The following PREX2 variants were observed in gnomAD, a reference collection of about 807,000 sequenced individuals.
The protein encoded by PREX2 is phosphatidylinositol 3,4,5-trisphosphate-dependent Rac exchanger 2 protein.
A neutral mutation model predicts 203.2 loss-of-function variants in PREX2; 107 were observed. The ratio of observed to expected loss-of-function variants is 0.53; its 90% confidence interval spans 0.45 to 0.62. PREX2 has a LOEUF of 0.62. PREX2 is among the 20% of genes least tolerant of loss of function. The pLI is 0.00. For missense variants in PREX2, 1,777 were observed against 1,955.9 expected (o/e 0.91, Z 1.72); for synonymous variants, 672 against 663.6 (o/e 1.01, Z -0.19).
intron 35 of PREX2, among the ~76,000 whole-genome samples, chr8:68,172,406 C>T (rs1173215296): frequency 6.6e-6 from 1 of 152,322 alleles, no homozygotes; most frequent in East Asian, 1.9e-4. Flanking sequence ...GACAGCACCT[C>T]GTGCCCGAGA....
intron 35 of PREX2, among the ~76,000 whole-genome samples, chr8:68,185,276 GATA>G (rs879639807): frequency 0.012 from 1,850 of 152,154 alleles, 29 homozygotes; most frequent in African/African-American, 0.041. Flanking sequence ...TCTTTGGTTT[GATA>G]TTTAATTTCC....
intron 7 of PREX2, among the ~76,000 whole-genome samples, chr8:68,040,082 G>A (rs1369324423): frequency 6.6e-6 from 1 of 152,108 alleles, no homozygotes; most frequent in Non-Finnish European, 1.5e-5. Context: ...AGGATAGAGT[G>A]CAATGGTATG....
Position 68,038,243 on chromosome 8 carries a change from G to C in PREX2, c.790G>C (p.Val264Leu). The change falls in exon 7 of 40, where the codon GTG (valine) becomes CTG (leucine). Residue 264 changes from valine (V) to leucine (L), a missense_variant. By Grantham distance (32) the Val-to-Leu change is conservative (BLOSUM62 1). Coordinates refer to ENST00000288368, the MANE Select transcript of PREX2 (RefSeq NM_024870.4). ...KISSGNIQERVFFLFDNLLVY... is the reference protein window; with the variant it reads ...KISSGNIQERLFFLFDNLLVY... Reference sequence around the variant, plus strand: ...TTCTTCTGGAAATATTCAAGAACGGGTGTTTTTTCTTTTCGATAATCTTTT... The same window carrying C: ...TTCTTCTGGAAATATTCAAGAACGGCTGTTTTTTCTTTTCGATAATCTTTT... 6.2e-7 allele frequency: 1 copy of C among 1,613,782 alleles called. No homozygotes were observed. The highest frequency in any genetic ancestry group is 8.5e-7 in the Non-Finnish European group (1 of 1,179,824).
chr8:67,995,052 A>C (rs1806724800), intron 1 of PREX2, among the ~76,000 whole-genome samples: 2 of 151,972 alleles, frequency 1.3e-5, no homozygotes, highest in Non-Finnish European at 2.9e-5. Flanking sequence ...TCTCTTCCAC[A>C]GTATTGTTCT....
intron 35 of PREX2, among the ~76,000 whole-genome samples, chr8:68,191,369 G>A (rs1352629800): frequency 1.3e-5 from 2 of 152,094 alleles, no homozygotes; most frequent in Non-Finnish European, 2.9e-5. Context: ...ATATTAATAA[G>A]CACTTATTCT....
chr8:68,104,924 A>G (rs374242439), intron 23 of PREX2, among the ~76,000 whole-genome samples: 20 of 152,210 alleles, frequency 1.3e-4, no homozygotes, highest in African/African-American at 4.6e-4. Flanking sequence ...GCATTTCTTT[A>G]TTGCAAAATT....
At chr8:68,001,425 A>G (rs1175704524) in intron 1 of PREX2, among the ~76,000 whole-genome samples, 1 of 152,214 alleles carries the variant, frequency 6.6e-6, no homozygotes, top group Admixed American at 6.5e-5. Flanking sequence ...AATAGCTCTT[A>G]TTAAAATGTC....
chr8:68,232,450 T>G lies in PREX2; in HGVS notation c.*1072T>G, dbSNP rs2129615690. The G allele has an allele frequency of 6.6e-6, 1 of 152,310 alleles. No homozygotes were observed. Among genetic ancestry groups the G allele is most frequent in the African/African-American group, 2.4e-5 (1 of 41,572 alleles). The allele number at this position is 152,310 out of a possible 1,614,324, so 9.4% of individuals were successfully genotyped here. ...CTAAAGTATATGTAATGTTTATCAT[T>G]TCTACATTGATGCAATAACATTGTT... On this transcript the variant is annotated 3_prime_UTR_variant, in exon 40 of 40. Transcript: ENST00000288368.
At chr8:68,215,999 A>G (rs540558411) in intron 37 of PREX2, among the ~76,000 whole-genome samples, 3 of 152,340 alleles carry the variant, frequency 2.0e-5, no homozygotes, top group African/African-American at 4.8e-5. Flanking sequence ...CTTAATGATG[A>G]AACTTGAACA....
chr8:68,219,644 T>G (rs1585872543), intron 38 of PREX2, among the ~76,000 whole-genome samples: 1 of 152,152 alleles, frequency 6.6e-6, no homozygotes, highest in Admixed American at 6.5e-5. Context: ...AGAAATAAGG[T>G]TTAACTTCTT....
At position 68,116,235 on chromosome 8, in the gene PREX2, T is replaced by C. The variant is rs149043343; in HGVS notation, c.3326+303T>C. 9.8e-3 allele frequency among the ~76,000 whole-genome samples: 1,488 copies of C among 152,330 alleles called. 16 individuals carry two copies. The highest frequency in any genetic ancestry group is 0.048 in the South Asian group (231 of 4,820). On this transcript the variant is annotated intron_variant, in intron 26 of 39. Coordinates refer to ENST00000288368, the MANE Select transcript of PREX2 (RefSeq NM_024870.4). The stretch of plus-strand genomic sequence containing the variant: ...AGATAGCTGGTAAGAAAATTGTGCC[T>C]ATACAGGATTAACATTGTTTTCAAC...
intron 35 of PREX2, among the ~76,000 whole-genome samples, chr8:68,161,110 G>A (rs548054720): frequency 2.7e-5 from 4 of 150,706 alleles, no homozygotes; most frequent in Admixed American, 6.6e-5. Context: ...TTTTTTTGGG[G>A]GGGGGACAGA....
chr8:68,179,105 A>T (rs1389536887), intron 35 of PREX2, among the ~76,000 whole-genome samples: 3 of 152,204 alleles, frequency 2.0e-5, no homozygotes, highest in Non-Finnish European at 4.4e-5. Flanking sequence ...GTGCAACCGC[A>T]TGTGACTTGT....
Position 68,048,451 on chromosome 8 carries a change from C to T in PREX2, c.943+3861C>T, listed in dbSNP as rs1265574267. 2.6e-5 allele frequency among the ~76,000 whole-genome samples: 4 copies of T among 151,988 alleles called. No individual in the cohort carries two copies. In the East Asian group the frequency reaches 5.8e-4, roughly 22 times the overall value. Reference sequence around the variant, plus strand: ...GGCATACCATAGATTTCAATATATTCGTCAAATTCGAACTGGATAAGATGA... The same window carrying T: ...GGCATACCATAGATTTCAATATATTTGTCAAATTCGAACTGGATAAGATGA... On this transcript the variant is annotated intron_variant, in intron 8 of 39. Coordinates refer to ENST00000288368, the MANE Select transcript of PREX2 (RefSeq NM_024870.4).
chr8:68,106,720 G>A (rs1810420939), intron 23 of PREX2, among the ~76,000 whole-genome samples: 1 of 152,074 alleles, frequency 6.6e-6, no homozygotes, highest in South Asian at 2.1e-4. Flanking sequence ...AGAAAAGTTA[G>A]ATAATGACCA....
intron 1 of PREX2, among the ~76,000 whole-genome samples, chr8:67,997,242 C>CT (rs373931061): frequency 8.4e-4 from 127 of 151,092 alleles, no homozygotes; most frequent in African/African-American, 2.4e-3. Flanking sequence ...TTTCTCTCTT[C>CT]TTTTTTTTTA....
In PREX2 at chr8:68,098,938, GTATATATATATATATATA is replaced by G. The variant is rs71253061; in HGVS notation, c.2554-722_2554-705del. Among the ~76,000 whole-genome samples the G allele has an allele frequency of 1.1e-3, 117 of 109,806 alleles. 1 individual carries two copies. Among genetic ancestry groups the G allele is most frequent in the Non-Finnish European group, 1.5e-3 (82 of 56,124 alleles). The allele number at this position is 109,806 out of a possible 152,430, so 72.0% of individuals were successfully genotyped here. On this transcript the variant is annotated intron_variant, in intron 22 of 39. Coordinates refer to ENST00000288368, the MANE Select transcript of PREX2 (RefSeq NM_024870.4). ...AATCAGAAATGCTACATATATATGT[GTATATATATATATATATA>G]TATATATATATATATATATATCTCA... is the stretch of plus-strand genomic sequence containing the variant.
chr8:68,175,008 A>G (rs1323504461), intron 35 of PREX2, among the ~76,000 whole-genome samples: 1 of 152,234 alleles, frequency 6.6e-6, no homozygotes, highest in Non-Finnish European at 1.5e-5. Context: ...TATGCTCTTG[A>G]GAATTTTAAA....
At chr8:68,146,115 G>A (rs899715174) in intron 33 of PREX2, 94 bp from the exon 34 acceptor site, 7 of 799,602 alleles carry the variant, frequency 8.8e-6, no homozygotes, top group African/African-American at 5.2e-5. Context: ...TATTGGTGTC[G>A]AGTAATTCTC....
Sources: gnomAD v4.1 joint callset for allele counts (sites outside exome capture counted in the v4.1 genomes callset) on GRCh38, gnomAD v4.1.1 for gene constraint, MANE v1.5 for transcripts, NCBI Gene and HGNC (gene_info 2026-07-23, HGNC 2026-07-21) for gene names.